Variants in MYO10 observed in about 807,000 individuals in gnomAD.
The protein encoded by MYO10 is myosin X.
Under a neutral mutation model 257.3 loss-of-function variants are expected in MYO10, and 133 were observed. The ratio of observed to expected loss-of-function variants is 0.52; its 90% CI spans 0.45 to 0.60. MYO10 has a LOEUF of 0.60. Among genes scored for constraint, MYO10 ranks in the 20% least tolerant of loss-of-function variants. MYO10 has a pLI of 0.00. For missense variants in MYO10, 2,399 were observed against 2,635.7 expected, an observed-to-expected ratio of 0.91 and a Z score of 1.97; for synonymous variants, 1,104 against 1,028.6, an observed-to-expected ratio of 1.07 and a Z score of -1.40.
At chr5:16,918,458 C>T (rs1330602438) in intron 1 of MYO10, among the ~76,000 whole-genome samples, 1 of 151,508 alleles carries the variant, frequency 6.6e-6, no homozygotes, top group Non-Finnish European at 1.5e-5. Context: ...CACACGGATG[C>T]TCCCTGGAAA....
intron 1 of MYO10, among the ~76,000 whole-genome samples, chr5:16,909,240 G>A (rs1416743212): frequency 6.6e-6 from 1 of 152,128 alleles, no homozygotes; most frequent in Non-Finnish European, 1.5e-5. Flanking sequence ...CAGGTGCGGT[G>A]GCTCACGCCC....
chr5:16,850,135 C>T (rs746429335), intron 2 of MYO10, among the ~76,000 whole-genome samples: 3 of 152,184 alleles, frequency 2.0e-5, no homozygotes, highest in Non-Finnish European at 2.9e-5. Context: ...TCAGTGTATT[C>T]GTATTTGTCC....
intron 1 of MYO10, among the ~76,000 whole-genome samples, chr5:16,919,798 G>A (rs1745930136): frequency 1.3e-5 from 2 of 152,124 alleles, no homozygotes; most frequent in African/African-American, 2.4e-5. Flanking sequence ...CCAACATGGA[G>A]AAACCCTATC....
intron 19 of MYO10, among the ~76,000 whole-genome samples, chr5:16,720,658 C>A (rs908076698): frequency 1.9e-4 from 29 of 152,244 alleles, no homozygotes; most frequent in African/African-American, 7.0e-4. Context: ...CGGGATTTCA[C>A]CGTGTTAGCC....
At chr5:16,917,265 T>C (rs1745849048) in intron 1 of MYO10, among the ~76,000 whole-genome samples, 1 of 152,236 alleles carries the variant, frequency 6.6e-6, no homozygotes, top group Admixed American at 6.5e-5. Context: ...ATAATGATTT[T>C]ATTTAGAAAA....
intron 1 of MYO10, among the ~76,000 whole-genome samples, chr5:16,920,913 T>C (rs893699418): frequency 2.0e-5 from 3 of 151,750 alleles, no homozygotes; most frequent in Non-Finnish European, 4.4e-5. Flanking sequence ...AAGTCAGGAG[T>C]TCCAGACCAG....
chr5:16,935,823 C>A lies in MYO10; in HGVS notation c.-15G>T. 1.2e-6 allele frequency: 2 copies of A among 1,612,822 alleles called. No individual in the cohort carries two copies. Among genetic ancestry groups the A allele is most frequent in the South Asian group, 1.1e-5 (1 of 90,974 alleles). On this transcript the variant is annotated 5_prime_UTR_variant, in exon 1 of 41. Coordinates refer to ENST00000513610, the MANE Select transcript of MYO10 (RefSeq NM_012334.3). ...AAGTTATCCATTGTTCCAGCGCAGT[C>A]CCGGACTCGCCGAGTGCCGCTCCGA...
intron 2 of MYO10, among the ~76,000 whole-genome samples, chr5:16,850,194 C>A (rs1051645924): frequency 6.6e-6 from 1 of 152,196 alleles, no homozygotes; most frequent in African/African-American, 2.4e-5. Context: ...ATGGCACCAT[C>A]GATTCATTCT....
At chr5:16,702,617 C>G (rs1738135806) in intron 23 of MYO10, 29 bp from the exon 24 acceptor site, 1 of 1,558,548 alleles carries the variant, frequency 6.4e-7, no homozygotes, top group South Asian at 1.2e-5. Flanking sequence ...AAGTGAAAAT[C>G]AACAACAATA....
intron 8 of MYO10, 48 bp downstream of exon 8, chr5:16,780,476 T>C (rs765764243): frequency 6.9e-7 from 1 of 1,451,204 alleles, no homozygotes; most frequent in South Asian, 1.2e-5. Flanking sequence ...TCTATTTAAA[T>C]GGAAAATGAG....
Position 16,668,477 on chromosome 5 carries a change from C to A in MYO10, c.5884-9G>T. 1 of 1,589,974 alleles carries A rather than the reference C, an allele frequency of 6.3e-7. No homozygotes were observed. The highest frequency in any genetic ancestry group is 8.5e-7 in the Non-Finnish European group (1 of 1,169,876). On this transcript the variant is annotated splice_polypyrimidine_tract_variant and intron_variant, in intron 39 of 40. Transcript: ENST00000513610. ...AAGCCACCTTCCTTGCACTGGTGGG[C>A]AAGAGTCAACAGAAGAGTTAAGTCA...
chr5:16,924,830 C>CTTTT (rs35010705), intron 1 of MYO10, among the ~76,000 whole-genome samples: 31 of 124,342 alleles, frequency 2.5e-4, no homozygotes, highest in African/African-American at 3.4e-4. Flanking sequence ...CACTTTATCA[C>CTTTT]TTTTTTTTTT....
At chr5:16,773,423 A>T (rs975552403) in intron 9 of MYO10, among the ~76,000 whole-genome samples, 1 of 152,190 alleles carries the variant, frequency 6.6e-6, no homozygotes, top group African/African-American at 2.4e-5. Flanking sequence ...AGTTTTCTTC[A>T]TCTATGACAA....
intron 19 of MYO10, among the ~76,000 whole-genome samples, chr5:16,740,286 C>T (rs1288584589): frequency 6.6e-6 from 1 of 151,990 alleles, no homozygotes; most frequent in Non-Finnish European, 1.5e-5. Flanking sequence ...AAGTCACTAC[C>T]AGAAAGCACA....
At chr5:16,805,458 C>CAAAA (rs36126574) in intron 3 of MYO10, among the ~76,000 whole-genome samples, 63 of 78,276 alleles carry the variant, frequency 8.0e-4, no homozygotes, top group African/African-American at 1.8e-3. Flanking sequence ...GACTCCATCT[C>CAAAA]AAAAAAAAAA....
intron 29 of MYO10, among the ~76,000 whole-genome samples, chr5:16,685,472 A>G (rs905069705): frequency 6.6e-6 from 1 of 152,174 alleles, no homozygotes; most frequent in East Asian, 1.9e-4. Context: ...TCAGCCTCCC[A>G]AAGTGCTGGG....
chr5:16,739,096 G>A (rs1454470705), intron 19 of MYO10, among the ~76,000 whole-genome samples: 1 of 150,916 alleles, frequency 6.6e-6, no homozygotes, highest in African/African-American at 2.4e-5. Flanking sequence ...CGAGGCAGGA[G>A]GATCTCTTGC....
intron 32 of MYO10, among the ~76,000 whole-genome samples, chr5:16,680,445 T>G (rs948617815): frequency 1.3e-5 from 2 of 152,186 alleles, no homozygotes; most frequent in Non-Finnish European, 2.9e-5. Flanking sequence ...AAACTCTCTC[T>G]GATTTCTGAC....
At chr5:16,778,669 C>A (rs1741300844) in intron 9 of MYO10, among the ~76,000 whole-genome samples, 1 of 147,520 alleles carries the variant, frequency 6.8e-6, no homozygotes, top group Admixed American at 6.8e-5. Flanking sequence ...TTAGCAGGAA[C>A]ACCTCTCGCT....
Sources: gnomAD v4.1 joint callset for allele counts (sites outside exome capture counted in the v4.1 genomes callset) on GRCh38, gnomAD v4.1.1 for gene constraint, MANE v1.5 for transcripts, NCBI Gene and HGNC (gene_info 2026-07-23, HGNC 2026-07-21) for gene names.